Variants in SHROOM3 observed in about 807,000 individuals in gnomAD.
SHROOM3 encodes the protein shroom family member 3, also known as protein Shroom3.
Under a neutral mutation model 138.6 loss-of-function variants are expected in SHROOM3, and 47 were observed. That is an observed-to-expected ratio of 0.34 (90% CI 0.27 to 0.43). The LOEUF (loss-of-function observed/expected upper bound fraction) is 0.43. Among genes scored for constraint, SHROOM3 ranks in the 20% least tolerant of loss-of-function variants. SHROOM3 has a pLI of 1.00. For missense variants in SHROOM3, 2,491 were observed against 2,596.5 expected (o/e 0.96, Z 0.88); for synonymous variants, 1,062 against 1,063.3 (o/e 1.00, Z 0.02).
rs1229218113 is a variant in SHROOM3 at position 76,741,907 on chromosome 4, C to T, written c.3734C>T (p.Ala1245Val). 2 of 1,612,434 alleles carry T rather than the reference C, an allele frequency of 1.2e-6. No homozygotes were observed. The highest frequency in any genetic ancestry group is 2.2e-5 in the South Asian group (2 of 90,990). ...CATGTGAGGTCCAGGTCATCTCCCG[C>T]CACCGCAGACAAGCGCCAGGTACGT... ...PVHVRSRSSPATADKRQDVLL... is the reference protein window; with the variant it reads ...PVHVRSRSSPVTADKRQDVLL... Residue 1245 changes from alanine to valine, a missense_variant, in exon 5 of 11, where the codon GCC (alanine) becomes GTC (valine). By Grantham distance (64) the Ala-to-Val change is moderately conservative. Around this residue, in one of 4 missense-constraint regions of SHROOM3, gnomAD observed 1,733 missense variants for 1,661.6 expected, o/e 1.04. Coordinates refer to ENST00000296043, the MANE Select transcript of SHROOM3 (RefSeq NM_020859.4). This position sits in a 1 kb window ranked among gnomAD's most constrained non-coding sequence, Gnocchi z 6.2.
intron 1 of SHROOM3, among the ~76,000 whole-genome samples, chr4:76,477,466 T>C (rs1731511461): frequency 6.6e-6 from 1 of 152,204 alleles, no homozygotes; most frequent in South Asian, 2.1e-4. Flanking sequence ...GCCCAGATGC[T>C]CAAAGCCATT....
At chr4:76,744,697 G>A (rs531793485) in intron 5 of SHROOM3, among the ~76,000 whole-genome samples, 2 of 152,298 alleles carry the variant, frequency 1.3e-5, no homozygotes, top group East Asian at 3.9e-4. Context: ...GACAAGTTAA[G>A]TGAACTTGTA....
chr4:76,687,955 T>G (rs921756812), intron 2 of SHROOM3, among the ~76,000 whole-genome samples: 1 of 152,182 alleles, frequency 6.6e-6, no homozygotes, highest in Non-Finnish European at 1.5e-5. Context: ...CTCCTGGCTG[T>G]GTTCTCCAGC....
At chr4:76,762,687 G>C (rs1223002176) in intron 9 of SHROOM3, among the ~76,000 whole-genome samples, 1 of 152,226 alleles carries the variant, frequency 6.6e-6, no homozygotes, top group Non-Finnish European at 1.5e-5. Flanking sequence ...TGCTTAGTGA[G>C]AACACACCTT....
chr4:76,460,875 T>A (rs1731128256), intron 1 of SHROOM3, among the ~76,000 whole-genome samples: 1 of 142,314 alleles, frequency 7.0e-6, no homozygotes, highest in African/African-American at 2.6e-5. Flanking sequence ...GCCCCTGTAG[T>A]CCCAGTTACT....
chr4:76,635,115 T>C (rs552759099), intron 2 of SHROOM3, among the ~76,000 whole-genome samples: 1 of 152,268 alleles, frequency 6.6e-6, no homozygotes, highest in Admixed American at 6.5e-5. Context: ...ATCTTAAAGT[T>C]TCTGTCTTCA....
intron 2 of SHROOM3, among the ~76,000 whole-genome samples, chr4:76,641,037 G>A (rs530305501): frequency 2.6e-4 from 40 of 152,318 alleles, no homozygotes; most frequent in African/African-American, 9.1e-4. Flanking sequence ...TCCTTTTTAT[G>A]CAGGCCATCC....
intron 1 of SHROOM3, among the ~76,000 whole-genome samples, chr4:76,456,724 T>G (rs1315238027): frequency 2.6e-5 from 4 of 152,208 alleles, no homozygotes; most frequent in Non-Finnish European, 4.4e-5. Context: ...TGCGCGTCCG[T>G]GTAAAGAGAC....
chr4:76,513,110 A>C (rs1345507143), intron 1 of SHROOM3, among the ~76,000 whole-genome samples: 2 of 152,136 alleles, frequency 1.3e-5, no homozygotes, highest in Non-Finnish European at 2.9e-5. Flanking sequence ...CTTTGTGTCA[A>C]AGACTCATCC....
At chr4:76,464,703 C>T (rs1049707330) in intron 1 of SHROOM3, among the ~76,000 whole-genome samples, 2 of 152,142 alleles carry the variant, frequency 1.3e-5, no homozygotes, top group Non-Finnish European at 2.9e-5. Context: ...TTCTCCCTTG[C>T]TATTCTCATG....
intron 4 of SHROOM3, among the ~76,000 whole-genome samples, chr4:76,731,446 A>C (rs1416566031): frequency 1.3e-5 from 2 of 152,174 alleles, no homozygotes; most frequent in Non-Finnish European, 2.9e-5. Context: ...ACTTCTTTAA[A>C]ACAGATACAG....
At chr4:76,696,926 G>A (rs1360652541) in intron 2 of SHROOM3, among the ~76,000 whole-genome samples, 2 of 152,002 alleles carry the variant, frequency 1.3e-5, no homozygotes, top group Non-Finnish European at 2.9e-5. Context: ...TTTTGTTGTT[G>A]TTTTTATAAG....
chr4:76,571,896 G>A (rs1733839217), intron 2 of SHROOM3, among the ~76,000 whole-genome samples: 2 of 152,008 alleles, frequency 1.3e-5, no homozygotes, highest in Non-Finnish European at 2.9e-5. Flanking sequence ...TTGTGAGATG[G>A]GCTGTACGTG....
At chr4:76,755,481 G>A (rs1383523006) in intron 7 of SHROOM3, among the ~76,000 whole-genome samples, 2 of 152,148 alleles carry the variant, frequency 1.3e-5, no homozygotes, top group Admixed American at 6.5e-5. Flanking sequence ...CCCTGGATGA[G>A]TTCTGAATCA....
rs747871133 is a variant in SHROOM3, at chr4:76,741,316, G to C, written c.3143G>C (p.Arg1048Pro). 1 of 1,611,730 alleles carries C rather than the reference G, an allele frequency of 6.2e-7. No individual in the cohort carries two copies. The highest frequency in any genetic ancestry group is 8.5e-7 in the Non-Finnish European group (1 of 1,179,586). ...CTGGGCCCGCAGAGAAATGGGATGC[G>C]TTTCCCGGAGAGCAGCGTGGCCGAC... ...APLGPQRNGM[R>P]FPESSVADRR... Residue 1048 changes from arginine to proline, a missense_variant, in exon 5 of 11, where the codon CGT becomes CCT. This residue lies in a region of SHROOM3 where 1,733 missense variants were observed against 1,661.6 expected (regional missense o/e 1.04). Transcript: ENST00000296043. The surrounding 1 kb of genome is among the most constrained non-coding windows in gnomAD (Gnocchi z 6.2).
At chr4:76,662,555 G>A (rs1718554910) in intron 2 of SHROOM3, among the ~76,000 whole-genome samples, 2 of 152,182 alleles carry the variant, frequency 1.3e-5, no homozygotes, top group African/African-American at 4.8e-5. Flanking sequence ...GACTTCAATT[G>A]CATCTGCAAT....
intron 1 of SHROOM3, among the ~76,000 whole-genome samples, chr4:76,544,407 CTTTTTTTTTT>C (rs58799466): frequency 1.1e-3 from 84 of 75,868 alleles, no homozygotes; most frequent in African/African-American, 3.4e-3. Context: ...AGCTCAATGG[CTTTTTTTTTT>C]TTTTTTTTTT....
chr4:76,735,256 ATTTTGGTG>A (rs2110130788), intron 4 of SHROOM3, among the ~76,000 whole-genome samples: 1 of 152,284 alleles, frequency 6.6e-6, no homozygotes, highest in African/African-American at 2.4e-5. Flanking sequence ...TAAAAGTGCC[ATTTTGGTG>A]GCATCAATGG....
chr4:76,669,940 C>A (rs1258005602), intron 2 of SHROOM3, among the ~76,000 whole-genome samples: 2 of 152,218 alleles, frequency 1.3e-5, no homozygotes, highest in East Asian at 3.8e-4. Context: ...TAGGCACTTG[C>A]CCCAGACTGA....
Sources: gnomAD v4.1 joint callset for allele counts (sites outside exome capture counted in the v4.1 genomes callset) on GRCh38, gnomAD v4.1.1 for gene constraint, gnomAD v4.1.1 regional missense constraint, Gnocchi (gnomAD v3.1) non-coding constraint, MANE v1.5 for transcripts, NCBI Gene and HGNC (gene_info 2026-07-23, HGNC 2026-07-21) for gene names.